The following LIMD1 variants were observed in gnomAD, a reference collection of about 807,000 sequenced individuals.
The protein encoded by LIMD1 is LIM domain containing 1, also known as LIM domain-containing protein 1.
Under a neutral mutation model 58.4 loss-of-function variants are expected in LIMD1, and 23 were observed. The observed-to-expected ratio is 0.39, with a 90% CI of 0.28 to 0.56. The LOEUF (loss-of-function observed/expected upper bound fraction) is 0.56. Among genes scored for constraint, LIMD1 ranks in the 20% least tolerant of loss-of-function variants. The pLI, the probability that LIMD1 is intolerant of heterozygous loss-of-function variation, is 0.57. For missense variants in LIMD1, 838 were observed against 855.5 expected (o/e 0.98, Z 0.25); for synonymous variants, 334 against 345.5 (o/e 0.97, Z 0.37).
At chr3:45,613,047 T>C (rs1330037454) in intron 1 of LIMD1, 1 of 152,046 alleles carries the variant, frequency 6.6e-6, no homozygotes, top group African/African-American at 2.4e-5. Flanking sequence ...ATTTTTGTGG[T>C]TTTTGTTGAT....
chr3:45,596,708 C>T (rs1701359494), intron 1 of LIMD1, among the ~76,000 whole-genome samples: 1 of 151,944 alleles, frequency 6.6e-6, no homozygotes, highest in African/African-American at 2.4e-5. Context: ...TTGGGCAGAT[C>T]TGGTTGATCT....
Position 45,671,008 on chromosome 3 carries a change from T to G in LIMD1, c.1642-1682T>G, listed in dbSNP as rs567125806. Among the ~76,000 whole-genome samples the G allele has an allele frequency of 9.3e-4, 141 of 152,364 alleles. 3 individuals are homozygous for G. In the South Asian group the frequency reaches 0.013, roughly 14 times the overall value. ...GCAAAATGGCATCTTTTTCTAATCT[T>G]ACTTTAGGCACAATGTGGATTAAAT... is the stretch of plus-strand genomic sequence containing the variant. On this transcript the variant is annotated intron_variant, in intron 4 of 7. Coordinates refer to ENST00000273317, the MANE Select transcript of LIMD1 (RefSeq NM_014240.3).
intron 2 of LIMD1, among the ~76,000 whole-genome samples, chr3:45,650,347 T>A (rs534919219): frequency 2.5e-4 from 38 of 152,342 alleles, no homozygotes; most frequent in South Asian, 8.3e-4. Context: ...TATCTTTTTT[T>A]AAATTATACT....
chr3:45,637,952 G>C (rs942537408), intron 2 of LIMD1, among the ~76,000 whole-genome samples: 1 of 151,132 alleles, frequency 6.6e-6, no homozygotes, highest in Non-Finnish European at 1.5e-5. Context: ...TCTGGTTATC[G>C]AATTCTCTGG....
At chr3:45,672,883 A>C (rs1697610747) in intron 5 of LIMD1, 63 bp downstream of exon 5, 2 of 1,593,782 alleles carry the variant, frequency 1.3e-6, no homozygotes, top group African/African-American at 2.7e-5. Context: ...CAGCAGAGTG[A>C]GTGGTGGAAA....
intron 2 of LIMD1, among the ~76,000 whole-genome samples, chr3:45,637,544 G>T (rs2125658994): frequency 6.6e-6 from 1 of 152,350 alleles, no homozygotes; most frequent in East Asian, 1.9e-4. Context: ...CTCCCAAAGT[G>T]CTGGGATTAC....
intron 7 of LIMD1, 27 bp from the exon 8 acceptor site, chr3:45,676,895 C>T: frequency 6.2e-7 from 1 of 1,613,150 alleles, no homozygotes; most frequent in Non-Finnish European, 8.5e-7. Context: ...TGTTTTGCTT[C>T]CCCTGGACAT....
At chr3:45,662,579 C>A (rs1697456793) in intron 2 of LIMD1, among the ~76,000 whole-genome samples, 1 of 152,068 alleles carries the variant, frequency 6.6e-6, no homozygotes, top group Admixed American at 6.6e-5. Flanking sequence ...AAATTGGAAT[C>A]ATCTTGATTC....
intron 1 of LIMD1, among the ~76,000 whole-genome samples, chr3:45,613,988 G>A (rs1701553281): frequency 6.6e-6 from 1 of 152,094 alleles, no homozygotes; most frequent in Non-Finnish European, 1.5e-5. Context: ...GCTGTTTTTA[G>A]AATTTCTTGG....
At chr3:45,639,596 C>T (rs116498675) in intron 2 of LIMD1, among the ~76,000 whole-genome samples, 2 of 152,146 alleles carry the variant, frequency 1.3e-5, no homozygotes, top group African/African-American at 2.4e-5. Flanking sequence ...CATTCCTGAG[C>T]GTTCCACCTC....
At chr3:45,661,839 G>A (rs1346752257) in intron 2 of LIMD1, among the ~76,000 whole-genome samples, 4 of 152,202 alleles carry the variant, frequency 2.6e-5, no homozygotes, top group Non-Finnish European at 4.4e-5. Context: ...GCTCACTGCA[G>A]TCTCAACCTC....
intron 1 of LIMD1, among the ~76,000 whole-genome samples, chr3:45,629,340 G>A (rs796552594): frequency 2.7e-5 from 4 of 149,834 alleles, no homozygotes; most frequent in African/African-American, 7.4e-5. Context: ...TTGAACCCAG[G>A]AGGCAGAGGT....
At position 45,677,013 on chromosome 3, in the gene LIMD1, TGGA is replaced by T; in HGVS notation, c.1987_1989del (p.Glu663del). 6.2e-7 allele frequency: 1 copy of T among 1,614,072 alleles called. No homozygotes were observed. The highest frequency in any genetic ancestry group is 1.3e-5 in the African/African-American group (1 of 75,034). On this transcript the variant is annotated inframe_deletion, in exon 8 of 8. Coordinates refer to ENST00000273317, the MANE Select transcript of LIMD1 (RefSeq NM_014240.3). ...TGTCACTCCTGCCACGTGAAGAGGC[TGGA>T]GAAGAGACCCTCATCTACAGCCCTT...
chr3:45,613,074 A>G (rs1006064084), intron 1 of LIMD1: 5 of 150,644 alleles, frequency 3.3e-5, no homozygotes, highest in African/African-American at 1.2e-4. Flanking sequence ...GCTGTTTCAA[A>G]TGGCCCCCAG....
At chr3:45,646,839 T>G (rs1271338660) in intron 2 of LIMD1, among the ~76,000 whole-genome samples, 1 of 152,020 alleles carries the variant, frequency 6.6e-6, no homozygotes, top group Admixed American at 6.6e-5. Flanking sequence ...TTTTTGAAAT[T>G]AATTTTTGTA....
At chr3:45,601,304 C>G (rs572367306) in intron 1 of LIMD1, among the ~76,000 whole-genome samples, 1 of 152,298 alleles carries the variant, frequency 6.6e-6, no homozygotes, top group African/African-American at 2.4e-5. Flanking sequence ...TCCTAGTTGG[C>G]CTGACATGGC....
At position 45,596,008 on chromosome 3, in the gene LIMD1, C is replaced by G; in HGVS notation, c.1129C>G (p.Leu377Val). The change falls in exon 1 of 8, where the codon CTT (leucine) becomes GTT (valine). Residue 377 changes from leucine to valine, a missense_variant. By Grantham distance (32) the Leu-to-Val change is conservative (BLOSUM62 1). Around this residue, in one of 3 missense-constraint regions of LIMD1, gnomAD observed 659 missense variants for 639.8 expected, o/e 1.03. Coordinates refer to ENST00000273317, the MANE Select transcript of LIMD1 (RefSeq NM_014240.3). ...GLGPKPGCTD[L>V]GTGPKLSPTS... ...GGGGCCGAAGCCTGGCTGCACAGAC[C>G]TTGGCACTGGTCCCAAGCTCAGCCC... is the stretch of plus-strand genomic sequence containing the variant. The G allele has an allele frequency of 1.2e-6, 2 of 1,614,216 alleles. No individual in the cohort carries two copies. The highest frequency in any genetic ancestry group is 1.7e-6 in the Non-Finnish European group (2 of 1,180,036).
Position 45,595,850 on chromosome 3 carries a change from G to C in LIMD1, c.971G>C (p.Gly324Ala). ...SNSGLGGEVS[G>A]VMSKPNVDPQ... Reference sequence around the variant, plus strand: ...TCGGGGCTGGGGGGTGAGGTTTCAGGTGTGATGTCCAAACCCAATGTGGAC... The same window carrying C: ...TCGGGGCTGGGGGGTGAGGTTTCAGCTGTGATGTCCAAACCCAATGTGGAC... Residue 324 changes from glycine to alanine, a missense_variant, in exon 1 of 8, where the codon GGT (glycine) becomes GCT (alanine). Transcript: ENST00000273317. 6.2e-7 allele frequency: 1 copy of C among 1,614,220 alleles called. No homozygotes were observed. The highest frequency in any genetic ancestry group is 1.1e-5 in the South Asian group (1 of 91,086).
intron 1 of LIMD1, among the ~76,000 whole-genome samples, chr3:45,606,238 G>A (rs572627133): frequency 6.6e-6 from 1 of 152,320 alleles, no homozygotes; most frequent in African/African-American, 2.4e-5. Flanking sequence ...GTACTTTTAT[G>A]AAGTATCTTT....
Sources: gnomAD v4.1 joint callset for allele counts (sites outside exome capture counted in the v4.1 genomes callset) on GRCh38, gnomAD v4.1.1 for gene constraint, gnomAD v4.1.1 regional missense constraint, MANE v1.5 for transcripts, NCBI Gene and HGNC (gene_info 2026-07-23, HGNC 2026-07-21) for gene names.